MCTP1: variants seen among roughly 807,000 people sequenced by gnomAD.
MCTP1 encodes the protein multiple C2 and transmembrane domain-containing protein 1.
Under a neutral mutation model 120.6 loss-of-function variants are expected in MCTP1, and 69 were observed. The observed-to-expected ratio is 0.57, with a 90% CI of 0.47 to 0.70. The LOEUF (loss-of-function observed/expected upper bound fraction) is 0.70, where lower values mean the gene tolerates loss of function less well. Ranked by LOEUF, MCTP1 falls within the 30% of genes least tolerant of loss-of-function variation. The probability of loss-of-function intolerance (pLI) is 0.00; values close to 1 mark genes in which losing one functional copy is unlikely to be tolerated. For synonymous variants in MCTP1, 529 were observed against 493.1 expected, an observed-to-expected ratio of 1.07 and a Z score of -0.96; for missense variants, 1,203 against 1,248.8, an observed-to-expected ratio of 0.96 and a Z score of 0.55.
intron 17 of MCTP1, among the ~76,000 whole-genome samples, chr5:94,858,382 A>G (rs1187291356): frequency 6.6e-6 from 1 of 151,680 alleles, no homozygotes; most frequent in Non-Finnish European, 1.5e-5. Flanking sequence ...TCATCAAAAC[A>G]TAAGGTACAC....
chr5:95,272,124 G>C (rs1178424284), intron 1 of MCTP1, among the ~76,000 whole-genome samples: 1 of 152,092 alleles, frequency 6.6e-6, no homozygotes, highest in Non-Finnish European at 1.5e-5. Context: ...GAAAGAGTAG[G>C]CATGTGCATA....
At chr5:95,056,806 T>C (rs140348310) in intron 1 of MCTP1, among the ~76,000 whole-genome samples, 162 of 152,184 alleles carry the variant, frequency 1.1e-3, no homozygotes, top group African/African-American at 3.7e-3. Flanking sequence ...ACTTTCTAAA[T>C]TCCCCCATAG....
chr5:94,877,990 G>A (rs1799277465), intron 12 of MCTP1, among the ~76,000 whole-genome samples: 1 of 151,996 alleles, frequency 6.6e-6, no homozygotes, highest in African/African-American at 2.4e-5. Context: ...AAACACAGAA[G>A]GCTTTCAATA....
At chr5:95,214,435 A>T (rs1350760366) in intron 1 of MCTP1, among the ~76,000 whole-genome samples, 2 of 152,064 alleles carry the variant, frequency 1.3e-5, no homozygotes, top group African/African-American at 4.8e-5. Flanking sequence ...AACTAGTTCA[A>T]CCATTGTGGA....
rs181360192 is a variant in MCTP1 at position 95,031,702 on chromosome 5, G to A, written c.721-14218C>T. Among the ~76,000 whole-genome samples the A allele has an allele frequency of 1.6e-3, 244 of 152,084 alleles. 3 individuals carry two copies. Among genetic ancestry groups the A allele is most frequent in the Non-Finnish European group, 1.3e-3 (91 of 67,924 alleles). On this transcript the variant is annotated intron_variant, in intron 1 of 22. Coordinates refer to ENST00000515393, the MANE Select transcript of MCTP1 (RefSeq NM_024717.7). ...AAAAACACAGTTAAGTACAAGGCTCGGCTAACAATACTATGACGGGAACAA... is the reference window on the plus strand; with the variant it reads ...AAAAACACAGTTAAGTACAAGGCTCAGCTAACAATACTATGACGGGAACAA...
intron 1 of MCTP1, among the ~76,000 whole-genome samples, chr5:95,175,887 C>G (rs1017604081): frequency 2.0e-5 from 3 of 152,130 alleles, no homozygotes; most frequent in Non-Finnish European, 4.4e-5. Context: ...CAAAACCAAA[C>G]AAAACAAAAA....
intron 19 of MCTP1, among the ~76,000 whole-genome samples, chr5:94,770,030 T>C (rs1773698008): frequency 6.6e-6 from 1 of 152,238 alleles, no homozygotes; most frequent in African/African-American, 2.4e-5. Context: ...ACTTTGTGAA[T>C]TTCTTTTAGA....
chr5:95,079,023 A>C (rs752371668), intron 1 of MCTP1, among the ~76,000 whole-genome samples: 2 of 152,152 alleles, frequency 1.3e-5, no homozygotes, highest in Non-Finnish European at 2.9e-5. Flanking sequence ...TGCCGCGAAT[A>C]AATACTACTA....
chr5:95,074,157 A>G (rs1326278961), intron 1 of MCTP1, among the ~76,000 whole-genome samples: 1 of 152,244 alleles, frequency 6.6e-6, no homozygotes, highest in Non-Finnish European at 1.5e-5. Context: ...GGCTCTACCC[A>G]TGACCTAATG....
chr5:94,926,784 C>T (rs1003327042), intron 6 of MCTP1, among the ~76,000 whole-genome samples: 9 of 152,168 alleles, frequency 5.9e-5, no homozygotes, highest in Admixed American at 3.9e-4. Flanking sequence ...CCCTTTTAAT[C>T]GGTCCAGGAA....
intron 11 of MCTP1, among the ~76,000 whole-genome samples, chr5:94,890,965 A>C (rs577344415): frequency 2.6e-5 from 4 of 152,218 alleles, no homozygotes; most frequent in African/African-American, 9.6e-5. Flanking sequence ...AGTTATTAAA[A>C]TGTTACTAGA....
chr5:94,705,942 C>G lies in MCTP1; in HGVS notation c.*1554G>C, dbSNP rs1296392194. The G allele has an allele frequency of 6.6e-6, 1 of 151,582 alleles. No individual in the cohort carries two copies. The highest frequency in any genetic ancestry group is 2.4e-5 in the African/African-American group (1 of 41,366). The allele number at this position is 151,582 out of a possible 1,614,324, so 9.4% of individuals were successfully genotyped here. On this transcript the variant is annotated 3_prime_UTR_variant, in exon 23 of 23. Transcript: ENST00000515393. ...TTCTGTAGAAAGGGAATTTAATTGACATTCAAGCATAGTATATAAACAGAT... is the reference window on the plus strand; with the variant it reads ...TTCTGTAGAAAGGGAATTTAATTGAGATTCAAGCATAGTATATAAACAGAT...
chr5:95,262,399 A>T (rs929410583), intron 1 of MCTP1, among the ~76,000 whole-genome samples: 2 of 152,182 alleles, frequency 1.3e-5, no homozygotes, highest in African/African-American at 4.8e-5. Flanking sequence ...TAAACACCTT[A>T]AAAGGATACC....
chr5:95,250,118 G>A (rs965639369), intron 1 of MCTP1, among the ~76,000 whole-genome samples: 1 of 152,032 alleles, frequency 6.6e-6, no homozygotes, highest in African/African-American at 2.4e-5. Flanking sequence ...TAACAAACCT[G>A]CACGTTGTGC....
chr5:95,084,311 T>A (rs1226240222), intron 1 of MCTP1, among the ~76,000 whole-genome samples: 1 of 152,182 alleles, frequency 6.6e-6, no homozygotes, highest in Non-Finnish European at 1.5e-5. Flanking sequence ...CTACTCTCCT[T>A]TATTATTTTT....
chr5:95,243,284 C>G (rs990675803), intron 1 of MCTP1, among the ~76,000 whole-genome samples: 2 of 152,132 alleles, frequency 1.3e-5, no homozygotes, highest in Non-Finnish European at 2.9e-5. Flanking sequence ...CAATAGATGG[C>G]ATACATCTGT....
rs180681288 is a variant in MCTP1 at position 94,767,646 on chromosome 5, C to A, written c.2610+11464G>T. On this transcript the variant is annotated intron_variant, in intron 19 of 22. Coordinates refer to ENST00000515393, the MANE Select transcript of MCTP1 (RefSeq NM_024717.7). Reference sequence around the variant, plus strand: ...GAACTAGCTAAAATAGAAATCAAGACAGCAGTTCCATTTACACTAGCTACA... The same window carrying A: ...GAACTAGCTAAAATAGAAATCAAGAAAGCAGTTCCATTTACACTAGCTACA... Among the ~76,000 whole-genome samples, 8 of 152,094 alleles carry A rather than the reference C, an allele frequency of 5.3e-5. No individual in the cohort carries two copies. The East Asian group carries it at 1.5e-3, about 29-fold the overall frequency.
At chr5:95,147,552 T>C (rs1441892586) in intron 1 of MCTP1, among the ~76,000 whole-genome samples, 1 of 152,208 alleles carries the variant, frequency 6.6e-6, no homozygotes, top group Non-Finnish European at 1.5e-5. Flanking sequence ...TTTTGCATGA[T>C]AGATCTTTCT....
At chr5:94,884,783 A>G (rs1283582675) in intron 12 of MCTP1, among the ~76,000 whole-genome samples, 2 of 152,186 alleles carry the variant, frequency 1.3e-5, no homozygotes, top group Non-Finnish European at 2.9e-5. Flanking sequence ...ATTTCTTAAG[A>G]TAATAAGACT....
Sources: gnomAD v4.1 joint callset for allele counts (sites outside exome capture counted in the v4.1 genomes callset) on GRCh38, gnomAD v4.1.1 for gene constraint, MANE v1.5 for transcripts, NCBI Gene and HGNC (gene_info 2026-07-23, HGNC 2026-07-21) for gene names.